The following SLCO1C1 variants were observed in gnomAD, a reference collection of about 807,000 sequenced individuals.
The protein encoded by SLCO1C1 is solute carrier organic anion transporter family member 1C1.
SLCO1C1 carries 70 observed loss-of-function variants against 76.4 expected under a neutral mutation model. That is an observed-to-expected ratio of 0.92 (90% CI 0.76 to 1.12). The LOEUF (loss-of-function observed/expected upper bound fraction) is 1.12. SLCO1C1 is among the 50% of genes most tolerant of loss of function. The pLI, the probability that SLCO1C1 is intolerant of heterozygous loss-of-function variation, is 0.00. For missense variants in SLCO1C1, 912 were observed against 823.8 expected, an observed-to-expected ratio of 1.11 and a Z score of -1.31; for synonymous variants, 306 against 286.1, an observed-to-expected ratio of 1.07 and a Z score of -0.70.
intron 5 of SLCO1C1, among the ~76,000 whole-genome samples, chr12:20,712,522 C>T (rs1007450331): frequency 6.6e-6 from 1 of 152,146 alleles, no homozygotes. Context: ...TTCAGCTTCC[C>T]TTCAGCATCA....
chr12:20,724,383 G>GAT (rs1947828095), intron 9 of SLCO1C1, among the ~76,000 whole-genome samples: 1 of 124,668 alleles, frequency 8.0e-6, no homozygotes, highest in African/African-American at 2.9e-5. Context: ...GGATAATTTT[G>GAT]ATATATATAA....
intron 3 of SLCO1C1, among the ~76,000 whole-genome samples, chr12:20,702,233 A>T (rs562824173): frequency 1.3e-5 from 2 of 152,050 alleles, no homozygotes; most frequent in East Asian, 3.9e-4. Flanking sequence ...CTCCAATTTT[A>T]GCTTTACCTG....
At chr12:20,749,884 A>G (rs1949215829) in intron 13 of SLCO1C1, among the ~76,000 whole-genome samples, 1 of 152,210 alleles carries the variant, frequency 6.6e-6, no homozygotes, top group Non-Finnish European at 1.5e-5. Flanking sequence ...TCAAACTTGG[A>G]TTTTAAAAGT....
chr12:20,750,973 T>C, intron 14 of SLCO1C1, 181 bp downstream of exon 14: 1 of 1,244,964 alleles, frequency 8.0e-7, no homozygotes, highest in East Asian at 2.6e-5. Flanking sequence ...ATCTTTGATT[T>C]TGTCCCTATT....
intron 10 of SLCO1C1, among the ~76,000 whole-genome samples, chr12:20,733,546 G>T (rs1948395742): frequency 6.6e-6 from 1 of 152,178 alleles, no homozygotes; most frequent in Non-Finnish European, 1.5e-5. Context: ...AATGCTACTT[G>T]CCTGACACAA....
At chr12:20,711,178 G>A (rs1947078047) in intron 4 of SLCO1C1, among the ~76,000 whole-genome samples, 1 of 152,204 alleles carries the variant, frequency 6.6e-6, no homozygotes, top group Non-Finnish European at 1.5e-5. Flanking sequence ...CCGTGGGTAG[G>A]ACAAGCTTTG....
chr12:20,726,774 T>C (rs1482990423), intron 9 of SLCO1C1, among the ~76,000 whole-genome samples: 1 of 152,188 alleles, frequency 6.6e-6, no homozygotes, highest in African/African-American at 2.4e-5. Flanking sequence ...TATTGCATAA[T>C]GCTGAGGTTT....
chr12:20,709,674 G>A, intron 4 of SLCO1C1, among the ~76,000 whole-genome samples: 1 of 16,426 alleles, frequency 6.1e-5, no homozygotes, highest in Admixed American at 3.3e-4. Flanking sequence ...GAGGTCAGGA[G>A]ATCGAGACCA....
chr12:20,741,678 A>C (rs1948822526), intron 12 of SLCO1C1, among the ~76,000 whole-genome samples: 1 of 152,174 alleles, frequency 6.6e-6, no homozygotes, highest in Non-Finnish European at 1.5e-5. Flanking sequence ...CCTATCATAC[A>C]TCTGTAACAA....
chr12:20,737,277 G>A lies in SLCO1C1; in HGVS notation c.1548+5G>A, dbSNP rs2120857343. ...AACAGGAGTGGAAAAAATATTGTAA[G>A]AAATCACCTCTCAAGTATATGGCGA... On this transcript the variant is annotated splice_donor_5th_base_variant and intron_variant, in intron 11 of 14. Transcript: ENST00000266509. 1.3e-6 allele frequency: 2 copies of A among 1,555,120 alleles called. No homozygotes were observed. The highest frequency in any genetic ancestry group is 8.6e-7 in the Non-Finnish European group (1 of 1,159,488).
At chr12:20,713,234 C>T (rs1233218722) in intron 5 of SLCO1C1, among the ~76,000 whole-genome samples, 5 of 151,716 alleles carry the variant, frequency 3.3e-5, no homozygotes, top group East Asian at 3.9e-4. Flanking sequence ...CGCCCGCTAC[C>T]ACGCCCGGCT....
intron 4 of SLCO1C1, among the ~76,000 whole-genome samples, chr12:20,708,324 A>C (rs958930044): frequency 3.9e-5 from 6 of 152,116 alleles, no homozygotes; most frequent in Non-Finnish European, 7.4e-5. Flanking sequence ...ATATATGTAT[A>C]TATATATAAT....
At chr12:20,742,603 G>A (rs1476812849) in intron 12 of SLCO1C1, among the ~76,000 whole-genome samples, 6 of 151,662 alleles carry the variant, frequency 4.0e-5, no homozygotes, top group Non-Finnish European at 1.5e-5. Context: ...GCACAATCTC[G>A]GCCCCCTGCA....
Position 20,733,114 on chromosome 12 carries a change from C to A in SLCO1C1, c.1382+10C>A. On this transcript the variant is annotated intron_variant, in intron 10 of 14. Coordinates refer to ENST00000266509, the MANE Select transcript of SLCO1C1 (RefSeq NM_017435.5). ...CTGTCTCCTACCAAGGGTATGTTCC[C>A]TCATTAAATAGTTTGAGGATATTGG... The A allele has an allele frequency of 1.3e-6, 2 of 1,536,244 alleles. No homozygotes were observed. The highest frequency in any genetic ancestry group is 2.3e-5 in the East Asian group (1 of 43,894).
At chr12:20,722,710 G>A (rs1444601632) in intron 8 of SLCO1C1, among the ~76,000 whole-genome samples, 1 of 152,196 alleles carries the variant, frequency 6.6e-6, no homozygotes, top group African/African-American at 2.4e-5. Context: ...TAAGTTTGAG[G>A]AATAGAGACA....
intron 13 of SLCO1C1, among the ~76,000 whole-genome samples, chr12:20,750,264 T>C (rs1200738389): frequency 1.3e-5 from 2 of 152,112 alleles, no homozygotes; most frequent in Non-Finnish European, 2.9e-5. Flanking sequence ...AGAGAAAGTG[T>C]TTAAGATATA....
chr12:20,728,005 G>A (rs184534486), intron 9 of SLCO1C1, among the ~76,000 whole-genome samples: 19 of 152,244 alleles, frequency 1.2e-4, no homozygotes, highest in East Asian at 5.8e-4. Context: ...CTCTTGCTGC[G>A]CAGAAGCTCT....
intron 6 of SLCO1C1, 28 bp from the exon 7 acceptor site, chr12:20,717,104 T>A: frequency 6.5e-7 from 1 of 1,539,830 alleles, no homozygotes; most frequent in Non-Finnish European, 8.8e-7. Flanking sequence ...GACAGCTTTT[T>A]TTTTTTCCTT....
rs7963279 is a variant in SLCO1C1 at position 20,711,422 on chromosome 12, C to T, written c.441C>T (p.Ser147=). ...AGAGATATTCTCCTTCCTCCAATTC[C>T]ACTCTCAGCATCTCTCCGTGTCTCC... The part of the protein sequence containing the change: ...KYERYSPSSN[S]TLSISPCLLE... The change falls in exon 5 of 15, where the codon TCC becomes TCT. Residue 147 remains serine, a synonymous_variant. Coordinates refer to ENST00000266509, the MANE Select transcript of SLCO1C1 (RefSeq NM_017435.5). 486,164 of 1,610,756 alleles carry T rather than the reference C, an allele frequency of 0.3. 76,696 individuals are homozygous for T. Among genetic ancestry groups the T allele is most frequent in the Middle Eastern group, 0.42 (2,564 of 6,046 alleles).
Sources: allele counts gnomAD v4.1 joint callset (sites outside exome capture counted in the v4.1 genomes callset), GRCh38; gene constraint gnomAD v4.1.1; transcripts MANE v1.5; gene names NCBI Gene and HGNC (gene_info 2026-07-23, HGNC 2026-07-21).